The following SLC25A21 variants were observed in gnomAD, a reference collection of about 807,000 sequenced individuals.
SLC25A21 encodes mitochondrial 2-oxodicarboxylate carrier.
Under a neutral mutation model 43.8 loss-of-function variants are expected in SLC25A21, and 47 were observed. The ratio of observed to expected loss-of-function variants is 1.07; its 90% CI spans 0.85 to 1.37. The LOEUF (loss-of-function observed/expected upper bound fraction) is 1.37. Ranked by LOEUF, SLC25A21 falls within the 40% of genes most tolerant of loss-of-function variation. The pLI is 0.00. For synonymous variants in SLC25A21, 131 were observed against 121.3 expected (o/e 1.08, Z -0.52); for missense variants, 352 against 350.2 (o/e 1.00, Z -0.04).
intron 1 of SLC25A21, among the ~76,000 whole-genome samples, chr14:37,159,256 G>A (rs932578143): frequency 6.6e-6 from 1 of 151,464 alleles, no homozygotes; most frequent in Non-Finnish European, 1.5e-5. Flanking sequence ...TCAAAAAAGA[G>A]GCAAAATAGA....
intron 1 of SLC25A21, among the ~76,000 whole-genome samples, chr14:36,876,938 T>TAG (rs987309216): frequency 3.9e-5 from 3 of 76,640 alleles, no homozygotes; most frequent in East Asian, 2.9e-4. Flanking sequence ...GATAGATAGA[T>TAG]ACACACACAC....
intron 1 of SLC25A21, among the ~76,000 whole-genome samples, chr14:37,052,461 T>A (rs1961729393): frequency 1.3e-5 from 2 of 152,204 alleles, no homozygotes; most frequent in South Asian, 4.1e-4. Context: ...GTTTTAGAAT[T>A]TCCCTTTTAA....
intron 1 of SLC25A21, among the ~76,000 whole-genome samples, chr14:37,089,323 A>G (rs1427884196): frequency 6.6e-6 from 1 of 152,210 alleles, no homozygotes; most frequent in African/African-American, 2.4e-5. Flanking sequence ...ATCCTTTCAC[A>G]TTAACCTTCC....
intron 1 of SLC25A21, among the ~76,000 whole-genome samples, chr14:36,952,008 G>A (rs1392155568): frequency 2.0e-5 from 3 of 151,882 alleles, no homozygotes; most frequent in Non-Finnish European, 4.4e-5. Context: ...GCCAAGGAGG[G>A]CAGATCACTT....
chr14:37,171,144 G>A lies in SLC25A21; in HGVS notation c.70+1137C>T, dbSNP rs1318188530. Among the ~76,000 whole-genome samples, 8 of 142,098 alleles carry A rather than the reference G, an allele frequency of 5.6e-5. 1 individual carries two copies. Among genetic ancestry groups the A allele is most frequent in the African/African-American group, 2.1e-4 (8 of 38,828 alleles). 93.2% of individuals were successfully genotyped at this position (142,098 alleles called of 152,430 possible). A position where few individuals can be genotyped will look rare whatever the true frequency, so the allele number is the denominator to read the frequency against. ...GGGAGGGGAGGGGAGGGGAGGGGTG[G>A]GGAGGGGAGGGGAAAGATTTTACAA... On this transcript the variant is annotated intron_variant, in intron 1 of 9. Coordinates refer to ENST00000331299, the MANE Select transcript of SLC25A21 (RefSeq NM_030631.4).
chr14:36,710,659 G>C (rs1883817728), intron 7 of SLC25A21, among the ~76,000 whole-genome samples: 1 of 152,040 alleles, frequency 6.6e-6, no homozygotes. Context: ...AAAACTCCTG[G>C]CATCAAGCAA....
chr14:36,973,974 T>C (rs1959812640), intron 1 of SLC25A21, among the ~76,000 whole-genome samples: 1 of 152,146 alleles, frequency 6.6e-6, no homozygotes, highest in African/African-American at 2.4e-5. Context: ...AGAACGGCTA[T>C]GACTCTGGGA....
intron 1 of SLC25A21, among the ~76,000 whole-genome samples, chr14:36,966,348 G>A (rs1959615430): frequency 6.6e-6 from 1 of 152,152 alleles, no homozygotes; most frequent in Non-Finnish European, 1.5e-5. Flanking sequence ...CATAGAGAAA[G>A]GACCTCCATG....
At chr14:37,086,061 C>G (rs143405411) in intron 1 of SLC25A21, among the ~76,000 whole-genome samples, 3,259 of 152,020 alleles carry the variant, frequency 0.021, 124 homozygotes, top group African/African-American at 0.074. Flanking sequence ...GCTGAGATCA[C>G]GCCACTGCAC....
chr14:36,704,656 CA>C (rs758402770), intron 7 of SLC25A21, among the ~76,000 whole-genome samples: 2,491 of 104,556 alleles, frequency 0.024, 32 homozygotes, highest in African/African-American at 0.069. Flanking sequence ...GACTCCGTCT[CA>C]AAAAAAAAAA....
intron 4 of SLC25A21, among the ~76,000 whole-genome samples, chr14:36,729,876 T>C (rs1160283750): frequency 6.6e-6 from 1 of 152,172 alleles, no homozygotes; most frequent in Non-Finnish European, 1.5e-5. Flanking sequence ...ATGGCAGTGA[T>C]TCAACATTAT....
At position 36,882,474 on chromosome 14, in the gene SLC25A21, C is replaced by T. The variant is rs115818318; in HGVS notation, c.71-7470G>A. Among the ~76,000 whole-genome samples the T allele has an allele frequency of 5.6e-3, 850 of 152,314 alleles. 9 individuals carry two copies. The highest frequency in any genetic ancestry group is 0.017 in the African/African-American group (688 of 41,580). On this transcript the variant is annotated intron_variant, in intron 1 of 9. Transcript: ENST00000331299. ...CCATTGCAGCCATTGCAGTATTCAA[C>T]ACCAGACACTGTAGTCTATGTGAAT...
chr14:37,145,545 A>T (rs1963650670), intron 1 of SLC25A21, among the ~76,000 whole-genome samples: 1 of 152,072 alleles, frequency 6.6e-6, no homozygotes, highest in South Asian at 2.1e-4. Context: ...CAGAAAATTA[A>T]GATTAGGTTG....
At chr14:36,895,542 A>C (rs1327365073) in intron 1 of SLC25A21, among the ~76,000 whole-genome samples, 1 of 151,986 alleles carries the variant, frequency 6.6e-6, no homozygotes, top group African/African-American at 2.4e-5. Flanking sequence ...TATTTCCTTC[A>C]ATTCTGCTCT....
chr14:37,047,188 A>T (rs1382693661), intron 1 of SLC25A21, among the ~76,000 whole-genome samples: 1 of 152,206 alleles, frequency 6.6e-6, no homozygotes, highest in Non-Finnish European at 1.5e-5. Context: ...GGTTGTATTG[A>T]TTCAAAACCA....
At chr14:36,722,800 A>G (rs1884428355) in intron 6 of SLC25A21, among the ~76,000 whole-genome samples, 1 of 152,228 alleles carries the variant, frequency 6.6e-6, no homozygotes, top group Non-Finnish European at 1.5e-5. Context: ...TTGGTGCTTT[A>G]TAACATAAAT....
intron 1 of SLC25A21, among the ~76,000 whole-genome samples, chr14:36,884,083 T>C (rs191269406): frequency 5.4e-4 from 83 of 152,306 alleles, no homozygotes; most frequent in Non-Finnish European, 9.4e-4. Flanking sequence ...TGGAAACTTA[T>C]TTCTACTGCC....
intron 1 of SLC25A21, among the ~76,000 whole-genome samples, chr14:37,049,722 A>G (rs1961665426): frequency 6.6e-6 from 1 of 152,242 alleles, no homozygotes; most frequent in Admixed American, 6.5e-5. Flanking sequence ...CCACACTAAA[A>G]AAAGAAATAG....
At chr14:37,104,538 C>T (rs1347618179) in intron 1 of SLC25A21, among the ~76,000 whole-genome samples, 1 of 152,120 alleles carries the variant, frequency 6.6e-6, no homozygotes, top group Non-Finnish European at 1.5e-5. Flanking sequence ...ATTTTCTAAT[C>T]AACATAATAC....
Sources: gnomAD v4.1 joint callset for allele counts (sites outside exome capture counted in the v4.1 genomes callset) on GRCh38, gnomAD v4.1.1 for gene constraint, MANE v1.5 for transcripts, NCBI Gene and HGNC (gene_info 2026-07-23, HGNC 2026-07-21) for gene names.